ARHGEF3: variants seen among roughly 807,000 people sequenced by gnomAD.
ARHGEF3 encodes the protein Rho guanine nucleotide exchange factor 3.
ARHGEF3 carries 28 observed loss-of-function variants against 63.2 expected under a neutral mutation model. The observed-to-expected ratio is 0.44, with a 90% confidence interval of 0.33 to 0.61. The LOEUF (loss-of-function observed/expected upper bound fraction) is 0.61, where lower values mean the gene tolerates loss of function less well. Ranked by LOEUF, ARHGEF3 falls within the 20% of genes least tolerant of loss-of-function variation. The pLI is 0.03. For synonymous variants in ARHGEF3, 266 were observed against 254.2 expected (o/e 1.05, Z -0.44); for missense variants, 533 against 659.3 (o/e 0.81, Z 2.10).
chr3:56,927,783 A>C (rs2042313909), intron 3 of ARHGEF3, among the ~76,000 whole-genome samples: 2 of 152,260 alleles, frequency 1.3e-5, no homozygotes, highest in African/African-American at 4.8e-5. Context: ...ACAAACAAAC[A>C]AACAAAAACC....
chr3:56,804,607 A>G (rs2037796668), upstream of ARHGEF3, among the ~76,000 whole-genome samples: 1 of 152,204 alleles, frequency 6.6e-6, no homozygotes, highest in African/African-American at 2.4e-5. Flanking sequence ...TCCAACTGAA[A>G]TTGAAGAGAG....
intron 2 of ARHGEF3, among the ~76,000 whole-genome samples, chr3:57,002,479 T>TTATATATATATATATGTTATA (rs1560122743): frequency 0.031 from 1,222 of 39,420 alleles, 147 homozygotes; most frequent in East Asian, 0.16. Context: ...TATATATATG[T>TTATATATATATATATGTTATA]TATATATATA....
At chr3:56,983,709 G>A (rs927449661) in intron 2 of ARHGEF3, among the ~76,000 whole-genome samples, 7 of 152,096 alleles carry the variant, frequency 4.6e-5, no homozygotes, top group Admixed American at 6.6e-5. Context: ...AGCCAGAGGC[G>A]GGCGGATCAT....
chr3:56,996,354 T>G (rs1326707302), intron 2 of ARHGEF3, among the ~76,000 whole-genome samples: 3 of 152,178 alleles, frequency 2.0e-5, no homozygotes, highest in Non-Finnish European at 2.9e-5. Context: ...CTCATCCCAT[T>G]TCAAACCCTT....
At chr3:57,006,035 C>T (rs1353748029) in intron 2 of ARHGEF3, among the ~76,000 whole-genome samples, 1 of 152,228 alleles carries the variant, frequency 6.6e-6, no homozygotes, top group Non-Finnish European at 1.5e-5. Flanking sequence ...ACTGCACCCA[C>T]ATAAAGCCTG....
intron 3 of ARHGEF3, among the ~76,000 whole-genome samples, chr3:56,926,291 A>G (rs2042273483): frequency 6.6e-6 from 1 of 152,226 alleles, no homozygotes; most frequent in Non-Finnish European, 1.5e-5. Flanking sequence ...TGGAAGGGAC[A>G]GGATGCGAAG....
Position 56,732,266 on chromosome 3 carries a change from C to A in ARHGEF3, c.1200G>T (p.Leu400=), listed in dbSNP as rs767168877. 10 of 1,614,186 alleles carry A rather than the reference C, an allele frequency of 6.2e-6. No homozygotes were observed. In the East Asian group the frequency reaches 2.0e-4, roughly 32 times the overall value. The change falls in exon 9 of 10, where the codon CTG becomes CTT. Residue 400 remains leucine, a synonymous_variant. Coordinates refer to ENST00000296315, the MANE Select transcript of ARHGEF3 (RefSeq NM_019555.3). ...TCTCATTGTTGCTGAATGCCCCTCG[C>A]AGGGAGCCACCCAGCCTCACTTCTC... ...QDGEVRLGGS[L]RGAFSNNERI... is the part of the protein sequence containing the mutation.
At chr3:56,962,050 A>G (rs1159105129) in intron 2 of ARHGEF3, among the ~76,000 whole-genome samples, 1 of 152,160 alleles carries the variant, frequency 6.6e-6, no homozygotes, top group Non-Finnish European at 1.5e-5. Flanking sequence ...GTCTCTAAAA[A>G]TAATAACAAA....
Position 56,773,794 on chromosome 3 carries a change from T to C in ARHGEF3, c.119A>G (p.Lys40Arg), listed in dbSNP as rs1200212161. The change falls in exon 2 of 10, where the codon AAA becomes AGA. Residue 40 changes from lysine to arginine, a missense_variant. By Grantham distance (26) the Lys-to-Arg change is conservative. Transcript: ENST00000296315. ...DAEEPSNKRV[K>R]PLSRVTSLAN... ...TAGCGACGTGACTCGGGAAAGGGGT[T>C]TGACCCGTTTATTACTAGGCTCCTA... 6.2e-7 allele frequency: 1 copy of C among 1,602,088 alleles called. No homozygotes were observed. Among genetic ancestry groups the C allele is most frequent in the Non-Finnish European group, 8.5e-7 (1 of 1,176,166 alleles).
Position 56,958,549 on chromosome 3 carries a change from C to G in ARHGEF3, c.129+274G>C, listed in dbSNP as rs569725863. On this transcript the variant is annotated intron_variant, in intron 3 of 12. Coordinates refer to the ARHGEF3 transcript ENST00000338458. ...GCTTCGCCATGTTGCCTAGGCTGGT[C>G]TCAAACTCCTAGGCTCAAGCGATCC... Among the ~76,000 whole-genome samples the G allele has an allele frequency of 2.0e-5, 3 of 152,026 alleles. No individual in the cohort carries two copies. The East Asian group carries it at 5.8e-4, about 29-fold the overall frequency.
At chr3:56,972,377 C>T (rs1430884631) in intron 2 of ARHGEF3, among the ~76,000 whole-genome samples, 1 of 152,096 alleles carries the variant, frequency 6.6e-6, no homozygotes, top group Non-Finnish European at 1.5e-5. Context: ...ACACCAAGTA[C>T]ATAATAAATG....
In ARHGEF3 at chr3:56,786,893, T is replaced by C. The variant is rs1370703540; in HGVS notation, c.97-13077A>G. The stretch of plus-strand genomic sequence containing the variant: ...AAATACAAACCTGTGATTTGGTTGT[T>C]GGGTTTTGTTAAAAAAAAAAAAAAA... On this transcript the variant is annotated intron_variant, in intron 1 of 9. Transcript: ENST00000296315. Among the ~76,000 whole-genome samples, 15 of 139,700 alleles carry C rather than the reference T, an allele frequency of 1.1e-4. No homozygotes were observed. The Admixed American group carries it at 1.1e-3, about 10-fold the overall frequency. The allele number at this position is 139,700 out of a possible 152,430, so 91.6% of individuals were successfully genotyped here.
At chr3:57,049,087 G>A (rs1016625267) in intron 1 of ARHGEF3, among the ~76,000 whole-genome samples, 6 of 152,196 alleles carry the variant, frequency 3.9e-5, no homozygotes, top group African/African-American at 1.4e-4. Context: ...TCCCTCCCAG[G>A]AGCCGGGCAC....
At chr3:56,997,306 C>T (rs1560118136) in intron 2 of ARHGEF3, among the ~76,000 whole-genome samples, 1 of 152,178 alleles carries the variant, frequency 6.6e-6, no homozygotes, top group Non-Finnish European at 1.5e-5. Flanking sequence ...CCTGTCCACT[C>T]ACATGCCCTG....
intron 2 of ARHGEF3, among the ~76,000 whole-genome samples, chr3:56,982,282 A>G (rs9834378): frequency 0.23 from 35,516 of 151,978 alleles, 4,317 homozygotes; most frequent in Middle Eastern, 0.38. Flanking sequence ...AAGCAAGCGT[A>G]CATTCTATTT....
intron 4 of ARHGEF3, among the ~76,000 whole-genome samples, chr3:56,848,907 G>A (rs1266290325): frequency 1.3e-5 from 2 of 152,258 alleles, no homozygotes; most frequent in African/African-American, 4.8e-5. Flanking sequence ...GGCCTCAGGT[G>A]AGCCACCCCT....
At chr3:56,921,087 C>T (rs1200809667) in intron 3 of ARHGEF3, among the ~76,000 whole-genome samples, 2 of 147,838 alleles carry the variant, frequency 1.4e-5, no homozygotes, top group Non-Finnish European at 3.0e-5. Context: ...ACTCATGGGC[C>T]AGTGCAGTGG....
intron 3 of ARHGEF3, among the ~76,000 whole-genome samples, chr3:56,907,889 G>T (rs1270525165): frequency 6.6e-6 from 1 of 152,128 alleles, no homozygotes; most frequent in East Asian, 1.9e-4. Context: ...GGGAGGACAG[G>T]GAGGATTGGG....
rs147982199 is a variant in ARHGEF3 at position 56,848,983 on chromosome 3, T to C, written c.192+33309A>G. 2.0e-3 allele frequency among the ~76,000 whole-genome samples: 300 copies of C among 152,342 alleles called. 1 individual carries two copies. The highest frequency in any genetic ancestry group is 7.0e-3 in the African/African-American group (291 of 41,574). The stretch of plus-strand genomic sequence containing the variant: ...CGCACCTGGCCCCACTGAGGCATGT[T>C]AATACACTTGATGTACCAGCGGCTT... On this transcript the variant is annotated intron_variant, in intron 4 of 12. Coordinates refer to the ARHGEF3 transcript ENST00000338458.
Sources: allele counts gnomAD v4.1 joint callset (sites outside exome capture counted in the v4.1 genomes callset), GRCh38; gene constraint gnomAD v4.1.1; transcripts MANE v1.5; gene names NCBI Gene and HGNC (gene_info 2026-07-23, HGNC 2026-07-21).